Variants in ZC3H12B observed in about 807,000 individuals in gnomAD.
ZC3H12B encodes the protein zinc finger CCCH-type containing 12B.
A neutral mutation model predicts 43.9 loss-of-function variants in ZC3H12B; 7 were observed. That is an observed-to-expected ratio of 0.16 (90% CI 0.09 to 0.30). The LOEUF is 0.30. Ranked by LOEUF, ZC3H12B falls within the 10% of genes least tolerant of loss-of-function variation. The probability of loss-of-function intolerance (pLI) is 1.00; values close to 1 mark genes in which losing one functional copy is unlikely to be tolerated. For missense variants in ZC3H12B, 475 were observed against 670.2 expected, an observed-to-expected ratio of 0.71 and a Z score of 3.22; for synonymous variants, 222 against 241.7, an observed-to-expected ratio of 0.92 and a Z score of 0.76.
At chrX:65,209,546 G>A in the ZC3H12B span, among the ~76,000 whole-genome samples, 1 of 103,924 alleles carries the variant, frequency 9.6e-6, no homozygotes, top group East Asian at 3.1e-4. Context: ...CTGAGAGATA[G>A]TTTGCTATAA....
At chrX:65,212,443 T>C in the ZC3H12B span, among the ~76,000 whole-genome samples, 8 of 60,134 alleles carry the variant, frequency 1.3e-4, no homozygotes, top group African/African-American at 7.1e-4. Flanking sequence ...ATATATTATA[T>C]TATATATTAT....
chrX:65,360,253 G>T, the ZC3H12B span, among the ~76,000 whole-genome samples: 1 of 112,087 alleles, frequency 8.9e-6, no homozygotes, highest in East Asian at 2.8e-4. Context: ...TTCTTGTAGT[G>T]GTCTGGAACT....
chrX:65,494,650 G>A (rs949898569), intron 1 of ZC3H12B, among the ~76,000 whole-genome samples: 38 of 109,242 alleles, frequency 3.5e-4, no homozygotes, highest in Non-Finnish European at 6.5e-4. Context: ...GCATGTTGGC[G>A]TGCGTTTGTA....
the ZC3H12B span, among the ~76,000 whole-genome samples, chrX:65,085,863 A>G: frequency 8.9e-6 from 1 of 111,819 alleles, no homozygotes; most frequent in East Asian, 2.8e-4. Flanking sequence ...TTTGAGAGTC[A>G]GTTGCTGACC....
the ZC3H12B span, among the ~76,000 whole-genome samples, chrX:65,211,759 A>G: frequency 1.2e-5 from 1 of 84,922 alleles, no homozygotes; most frequent in Non-Finnish European, 2.1e-5. Context: ...AATATATTAT[A>G]TATAATGTAT....
At chrX:65,161,065 G>T in the ZC3H12B span, among the ~76,000 whole-genome samples, 1 of 111,003 alleles carries the variant, frequency 9.0e-6, no homozygotes, top group Non-Finnish European at 1.9e-5. Context: ...ATGTAGTTGA[G>T]CAGTTTTTAG....
the ZC3H12B span, among the ~76,000 whole-genome samples, chrX:65,243,405 C>T: frequency 1.8e-5 from 2 of 111,088 alleles, no homozygotes; most frequent in Non-Finnish European, 3.8e-5. Flanking sequence ...CAAATGAAAC[C>T]CACAATGATA....
the ZC3H12B span, among the ~76,000 whole-genome samples, chrX:65,163,185 G>T: frequency 1.8e-5 from 2 of 111,244 alleles, no homozygotes; most frequent in Non-Finnish European, 3.8e-5. Flanking sequence ...CTACTGGGGG[G>T]TGCCTCCCAG....
the ZC3H12B span, among the ~76,000 whole-genome samples, chrX:65,308,233 C>A: frequency 2.7e-5 from 3 of 109,612 alleles, no homozygotes; most frequent in African/African-American, 9.9e-5. Context: ...CTAAAAGGAA[C>A]CCTCAAAACC....
At chrX:65,412,027 C>G (rs1314343006) in intron 3 of ZC3H12B, among the ~76,000 whole-genome samples, 1 of 110,859 alleles carries the variant, frequency 9.0e-6, no homozygotes, top group Non-Finnish European at 1.9e-5. Flanking sequence ...CATTTTAAAG[C>G]AAAAAATTCA....
chrX:65,397,577 T>A (rs890121563), intron 2 of ZC3H12B, among the ~76,000 whole-genome samples: 1 of 111,689 alleles, frequency 9.0e-6, no homozygotes, highest in Non-Finnish European at 1.9e-5. Context: ...GAATTCAACA[T>A]CATTTCATAA....
the ZC3H12B span, among the ~76,000 whole-genome samples, chrX:65,326,889 T>C: frequency 9.0e-6 from 1 of 111,626 alleles, no homozygotes; most frequent in Non-Finnish European, 1.9e-5. Flanking sequence ...TCACAATCAC[T>C]AATCATTAAG....
chrX:65,433,959 A>T (rs1391744562), intron 3 of ZC3H12B, among the ~76,000 whole-genome samples: 1 of 111,566 alleles, frequency 9.0e-6, no homozygotes, highest in African/African-American at 3.3e-5. Flanking sequence ...GTCAAGTAAG[A>T]CTTTAGTAGG....
At chrX:65,254,957 A>G in the ZC3H12B span, among the ~76,000 whole-genome samples, 22 of 111,966 alleles carry the variant, frequency 2.0e-4, no homozygotes, top group Non-Finnish European at 3.2e-4. Flanking sequence ...AGCTGAGGAA[A>G]GAATCTCAGC....
chrX:65,304,226 A>C, the ZC3H12B span, among the ~76,000 whole-genome samples: 3 of 112,126 alleles, frequency 2.7e-5, no homozygotes, highest in Non-Finnish European at 5.6e-5. Flanking sequence ...ACATACATAC[A>C]TATCAATTTT....
chrX:65,428,601 A>G (rs1290473249), intron 3 of ZC3H12B, among the ~76,000 whole-genome samples: 2 of 112,783 alleles, frequency 1.8e-5, no homozygotes, highest in African/African-American at 6.4e-5. Flanking sequence ...TCTTAGCACT[A>G]ACAGGTCTGT....
At chrX:65,390,411 A>C (rs761433147) in intron 2 of ZC3H12B, among the ~76,000 whole-genome samples, 19 of 111,815 alleles carry the variant, frequency 1.7e-4, no homozygotes, top group African/African-American at 5.9e-4. Flanking sequence ...TAATTTAAAA[A>C]AAAAGGATAG....
chrX:65,318,922 A>G, the ZC3H12B span, among the ~76,000 whole-genome samples: 32 of 111,672 alleles, frequency 2.9e-4, no homozygotes, highest in Non-Finnish European at 5.6e-4. Flanking sequence ...ACACAGCTAA[A>G]GTATGGTTAA....
chrX:65,359,395 G>A, the ZC3H12B span, among the ~76,000 whole-genome samples: 3 of 111,920 alleles, frequency 2.7e-5, no homozygotes, highest in African/African-American at 9.7e-5. Flanking sequence ...CTGGGAAAAA[G>A]TAAATTAAAA....
Sources: allele counts gnomAD v4.1 joint callset (sites outside exome capture counted in the v4.1 genomes callset), GRCh38; gene constraint gnomAD v4.1.1; transcripts MANE v1.5; gene names NCBI Gene and HGNC (gene_info 2026-07-23, HGNC 2026-07-21).